KCNB2: variants seen among roughly 807,000 people sequenced by gnomAD.
KCNB2 encodes the protein delayed rectifier potassium channel protein.
A neutral mutation model predicts 61.5 loss-of-function variants in KCNB2; 15 were observed. That is an observed-to-expected ratio of 0.24 (90% CI 0.16 to 0.38). The LOEUF (loss-of-function observed/expected upper bound fraction) is 0.38. Ranked by LOEUF, KCNB2 falls within the 10% of genes least tolerant of loss-of-function variation. KCNB2 has a pLI of 1.00. For missense variants in KCNB2, 828 were observed against 1,125.2 expected (o/e 0.74, Z 3.78); for synonymous variants, 457 against 446.0 (o/e 1.02, Z -0.31).
intron 2 of KCNB2, among the ~76,000 whole-genome samples, chr8:72,800,184 T>C (rs547410832): frequency 6.6e-5 from 10 of 152,278 alleles, no homozygotes; most frequent in Admixed American, 4.6e-4. Context: ...CATATTTTGT[T>C]TTGCTTCTTG....
chr8:72,761,566 GA>G (rs1172173458), intron 2 of KCNB2, among the ~76,000 whole-genome samples: 3 of 152,118 alleles, frequency 2.0e-5, no homozygotes, highest in African/African-American at 7.2e-5. Flanking sequence ...ATAATGAGAG[GA>G]AAATGGATTA....
chr8:72,754,160 A>T (rs1020166), intron 2 of KCNB2, among the ~76,000 whole-genome samples: 13,731 of 152,194 alleles, frequency 0.09, 1,227 homozygotes, highest in East Asian at 0.5. Flanking sequence ...AGGACTCTGA[A>T]AAATAAATTG....
At chr8:72,560,596 A>G (rs1221841443) in intron 1 of KCNB2, among the ~76,000 whole-genome samples, 1 of 152,212 alleles carries the variant, frequency 6.6e-6, no homozygotes, top group African/African-American at 2.4e-5. Context: ...AAGATTTAGA[A>G]GGACACACCT....
chr8:72,702,528 G>T (rs1231786490), intron 2 of KCNB2, among the ~76,000 whole-genome samples: 2 of 152,130 alleles, frequency 1.3e-5, no homozygotes, highest in Non-Finnish European at 2.9e-5. Flanking sequence ...TTTGCTAGTG[G>T]CCATTCAGAA....
chr8:72,609,569 C>G (rs1273695495), intron 2 of KCNB2, among the ~76,000 whole-genome samples: 1 of 151,972 alleles, frequency 6.6e-6, no homozygotes, highest in African/African-American at 2.4e-5. Context: ...TTCTGTTGCC[C>G]TTTTATTTGT....
At chr8:72,933,396 A>G (rs998772053) in intron 2 of KCNB2, among the ~76,000 whole-genome samples, 1 of 152,240 alleles carries the variant, frequency 6.6e-6, no homozygotes, top group Admixed American at 6.5e-5. Context: ...GAATGGATTC[A>G]TTTGCATTTC....
intron 2 of KCNB2, among the ~76,000 whole-genome samples, chr8:72,785,860 A>G (rs1808837928): frequency 6.6e-6 from 1 of 152,148 alleles, no homozygotes; most frequent in Non-Finnish European, 1.5e-5. Context: ...TAGGTGCTGA[A>G]TGAGACACAT....
At chr8:72,671,819 A>G (rs1396328555) in intron 2 of KCNB2, among the ~76,000 whole-genome samples, 1 of 152,192 alleles carries the variant, frequency 6.6e-6, no homozygotes, top group African/African-American at 2.4e-5. Context: ...CTTCATTGCC[A>G]TGATCACAAG....
chr8:72,549,575 C>T (rs1477983873), intron 1 of KCNB2, among the ~76,000 whole-genome samples: 1 of 152,148 alleles, frequency 6.6e-6, no homozygotes. Flanking sequence ...TCAACAGGAA[C>T]TTCTCAGTGG....
chr8:72,772,456 G>T (rs1397868323), intron 2 of KCNB2, among the ~76,000 whole-genome samples: 1 of 152,132 alleles, frequency 6.6e-6, no homozygotes, highest in Non-Finnish European at 1.5e-5. Flanking sequence ...AGAACCACTG[G>T]GTTAAGGGGG....
chr8:72,740,824 C>T (rs1807941336), intron 2 of KCNB2, among the ~76,000 whole-genome samples: 1 of 152,112 alleles, frequency 6.6e-6, no homozygotes, highest in Admixed American at 6.5e-5. Flanking sequence ...TGTGACTTAA[C>T]TATTTTTTAA....
At chr8:72,691,629 A>G (rs938412856) in intron 2 of KCNB2, among the ~76,000 whole-genome samples, 1 of 152,218 alleles carries the variant, frequency 6.6e-6, no homozygotes, top group South Asian at 2.1e-4. Context: ...TCAAGCCCAG[A>G]CATTCAAATG....
At chr8:72,900,268 G>A (rs374101985) in intron 2 of KCNB2, among the ~76,000 whole-genome samples, 3 of 152,152 alleles carry the variant, frequency 2.0e-5, no homozygotes, top group African/African-American at 7.2e-5. Flanking sequence ...TTCAATAAAT[G>A]TTTCAGGGAT....
At position 72,913,213 on chromosome 8, in the gene KCNB2, C is replaced by G. The variant is rs532654669; in HGVS notation, c.580-22722C>G. Among the ~76,000 whole-genome samples the G allele has an allele frequency of 2.6e-5, 4 of 152,200 alleles. No homozygotes were observed. In the East Asian group the frequency reaches 7.7e-4, roughly 29 times the overall value. ...TCAATATTTCCAGGAGAACCCTGGG[C>G]AAGTTAGGGGCAGAGCATGATCGAA... On this transcript the variant is annotated intron_variant, in intron 2 of 2. Transcript: ENST00000523207.
intron 1 of KCNB2, among the ~76,000 whole-genome samples, chr8:72,554,407 T>C (rs996169766): frequency 3.9e-5 from 6 of 152,276 alleles, no homozygotes; most frequent in South Asian, 4.1e-4. Context: ...TATAGACTTA[T>C]GTTGTAGCCA....
intron 2 of KCNB2, among the ~76,000 whole-genome samples, chr8:72,787,017 G>T (rs188837907): frequency 9.2e-5 from 14 of 152,200 alleles, no homozygotes; most frequent in Admixed American, 9.2e-4. Flanking sequence ...ATCATTTGCT[G>T]ACTATGCTAC....
chr8:72,591,865 A>G (rs1259791239), intron 2 of KCNB2, among the ~76,000 whole-genome samples: 1 of 152,268 alleles, frequency 6.6e-6, no homozygotes, highest in East Asian at 1.9e-4. Flanking sequence ...AAAGTTTTTC[A>G]TTTATAATGT....
intron 2 of KCNB2, among the ~76,000 whole-genome samples, chr8:72,928,123 A>G (rs1214952071): frequency 1.3e-5 from 2 of 152,020 alleles, no homozygotes; most frequent in East Asian, 3.8e-4. Context: ...TCAAGTTTTC[A>G]TGAATTATCT....
chr8:72,755,919 G>T (rs977604294), intron 2 of KCNB2, among the ~76,000 whole-genome samples: 1 of 152,170 alleles, frequency 6.6e-6, no homozygotes, highest in African/African-American at 2.4e-5. Flanking sequence ...CCTGCAGGGA[G>T]GCTGGCTGGG....
Sources: gnomAD v4.1 joint callset for allele counts (sites outside exome capture counted in the v4.1 genomes callset) on GRCh38, gnomAD v4.1.1 for gene constraint, MANE v1.5 for transcripts, NCBI Gene and HGNC (gene_info 2026-07-23, HGNC 2026-07-21) for gene names.